Variants in SIPA1L1 observed in about 807,000 individuals in gnomAD.
SIPA1L1 encodes the protein signal-induced proliferation-associated 1-like protein 1.
In SIPA1L1, 26 loss-of-function variants were observed where a neutral mutation model predicts 162.7. That is an observed-to-expected ratio of 0.16 (90% CI 0.12 to 0.22). The LOEUF (loss-of-function observed/expected upper bound fraction) is 0.22, where lower values mean the gene tolerates loss of function less well. SIPA1L1 is among the 10% of genes least tolerant of loss of function. SIPA1L1 has a pLI of 1.00. For missense variants in SIPA1L1, 1,874 were observed against 2,241.0 expected, an observed-to-expected ratio of 0.84 and a Z score of 3.31; for synonymous variants, 829 against 837.4, an observed-to-expected ratio of 0.99 and a Z score of 0.17.
chr14:71,383,215 T>C (rs547540327), intron 2 of SIPA1L1, among the ~76,000 whole-genome samples: 61 of 152,264 alleles, frequency 4.0e-4, no homozygotes, highest in African/African-American at 1.4e-3. Context: ...ATGAGATAGG[T>C]ATTATTGTCA....
chr14:71,664,061 C>G (rs1045103149), intron 10 of SIPA1L1, among the ~76,000 whole-genome samples: 1 of 152,166 alleles, frequency 6.6e-6, no homozygotes, highest in African/African-American at 2.4e-5. Context: ...TGTTTGAAGA[C>G]ACAGAATAAA....
At chr14:71,513,980 GTA>G (rs1433347483) in intron 3 of SIPA1L1, among the ~76,000 whole-genome samples, 1 of 152,136 alleles carries the variant, frequency 6.6e-6, no homozygotes, top group East Asian at 1.9e-4. Flanking sequence ...CGGCGAATCC[GTA>G]CGGGTCTGCA....
At chr14:71,605,125 G>A (rs1393971974) in intron 5 of SIPA1L1, among the ~76,000 whole-genome samples, 6 of 151,788 alleles carry the variant, frequency 4.0e-5, no homozygotes, top group Admixed American at 6.6e-5. Flanking sequence ...AAGATCTGTC[G>A]TCAAGTACTG....
chr14:71,377,629 TG>T lies in SIPA1L1; in HGVS notation c.-465+56451del, dbSNP rs2039525530. Reference sequence around the variant, plus strand: ...ACTTTGGGAGGCCAAGGCAGGCGGCTGGGAGGTGGAGGTTGTAGCGAGCTGA... The same window carrying T: ...ACTTTGGGAGGCCAAGGCAGGCGGCTGGAGGTGGAGGTTGTAGCGAGCTGA... On this transcript the variant is annotated intron_variant, in intron 2 of 23. Coordinates refer to ENST00000381232, the MANE Select transcript of SIPA1L1 (RefSeq NM_001386936.1). This position sits in a 1 kb window ranked among gnomAD's most constrained non-coding sequence, Gnocchi z 4.8. Among the ~76,000 whole-genome samples the T allele has an allele frequency of 6.6e-6, 1 of 152,118 alleles. No homozygotes were observed.
intron 2 of SIPA1L1, among the ~76,000 whole-genome samples, chr14:71,346,862 C>T (rs534224030): frequency 6.6e-6 from 1 of 152,272 alleles, no homozygotes; most frequent in South Asian, 2.1e-4. Context: ...GCCTATCTTT[C>T]TATCTCCCTA....
Position 71,685,580 on chromosome 14 carries a change from C to A in SIPA1L1, c.3323C>A (p.Ala1108Asp), listed in dbSNP as rs750157424. 49 of 1,614,048 alleles carry A rather than the reference C, an allele frequency of 3.0e-5. 1 individual carries two copies. Among genetic ancestry groups the A allele is most frequent in the Non-Finnish European group, 8.5e-7 (1 of 1,180,048 alleles). Residue 1108 changes from alanine to aspartate, a missense_variant, in exon 13 of 24, where the codon GCC becomes GAC. Ala to Asp is a moderately radical substitution (Grantham distance 126). Transcript: ENST00000381232. ...GGGAAGATGCCTCCTCCAGAAAGAG[C>A]CGCCAACATCCCTCGAAGCATCTCC... is the stretch of plus-strand genomic sequence containing the variant. ...GDGKMPPPERAANIPRSISSD... is the reference protein window; with the variant it reads ...GDGKMPPPERDANIPRSISSD...
At chr14:71,733,553 T>C (rs2084996311) in intron 20 of SIPA1L1, 113 bp from the exon 21 acceptor site, 1 of 1,097,168 alleles carries the variant, frequency 9.1e-7, no homozygotes, top group Non-Finnish European at 1.3e-6. Flanking sequence ...AACCTGGACA[T>C]TGATAACAGT....
intron 4 of SIPA1L1, among the ~76,000 whole-genome samples, chr14:71,532,553 C>G (rs2053543799): frequency 6.6e-6 from 1 of 152,160 alleles, no homozygotes; most frequent in South Asian, 2.1e-4. Flanking sequence ...TCTCCGCACC[C>G]TTGTTGACTT....
At chr14:71,578,629 A>C (rs148476601) in intron 4 of SIPA1L1, among the ~76,000 whole-genome samples, 4 of 152,354 alleles carry the variant, frequency 2.6e-5, no homozygotes, top group Non-Finnish European at 5.9e-5. Context: ...AAGTAAACTA[A>C]TGAAGAGAAA....
intron 3 of SIPA1L1, among the ~76,000 whole-genome samples, 169 bp downstream of exon 3, chr14:71,513,014 C>A (rs1337179301): frequency 6.6e-6 from 1 of 152,136 alleles, no homozygotes; most frequent in African/African-American, 2.4e-5. Context: ...CCAGATCGAA[C>A]CAATGTATAC....
chr14:71,704,902 T>C, intron 15 of SIPA1L1: 2 of 716,994 alleles, frequency 2.8e-6, no homozygotes, highest in Non-Finnish European at 2.4e-6. Context: ...ATAAATTTAA[T>C]TCATATAATC....
In SIPA1L1 at chr14:71,618,642, G is replaced by A. The variant is rs983681331; in HGVS notation, c.1499-115G>A. On this transcript the variant is annotated intron_variant, in intron 5 of 23. Coordinates refer to ENST00000381232, the MANE Select transcript of SIPA1L1 (RefSeq NM_001386936.1). Reference sequence around the variant, plus strand: ...TGAAGAATATTAATATTTGTTAAATGTTTACATTTTATTGATAAAATTTCT... The same window carrying A: ...TGAAGAATATTAATATTTGTTAAATATTTACATTTTATTGATAAAATTTCT... 6 of 924,282 alleles carry A rather than the reference G, an allele frequency of 6.5e-6. No individual in the cohort carries two copies. In the Admixed American group the frequency reaches 1.3e-4, roughly 20 times the overall value. 57.3% of individuals were successfully genotyped at this position (924,282 alleles called of 1,614,324 possible). A position where few individuals can be genotyped will look rare whatever the true frequency, so the allele number is the denominator to read the frequency against.
intron 3 of SIPA1L1, among the ~76,000 whole-genome samples, chr14:71,525,855 A>G (rs907530238): frequency 6.6e-6 from 1 of 152,220 alleles, no homozygotes. Flanking sequence ...TTGCTTACTT[A>G]GCAGATTATG....
intron 2 of SIPA1L1, among the ~76,000 whole-genome samples, chr14:71,350,417 CA>C (rs886598080): frequency 2.0e-5 from 3 of 151,518 alleles, no homozygotes; most frequent in African/African-American, 7.3e-5. Context: ...CAAGACAAAA[CA>C]AAAAAAAGTG....
At chr14:71,716,263 T>C (rs1357048309) in intron 17 of SIPA1L1, among the ~76,000 whole-genome samples, 1 of 152,194 alleles carries the variant, frequency 6.6e-6, no homozygotes, top group Non-Finnish European at 1.5e-5. Context: ...CCTTAATCAT[T>C]ATCCTCCACA....
chr14:71,705,817 A>G (rs1464788968), intron 16 of SIPA1L1, among the ~76,000 whole-genome samples: 1 of 151,988 alleles, frequency 6.6e-6, no homozygotes, highest in Non-Finnish European at 1.5e-5. Context: ...TTTCATAGCC[A>G]TACACATTTC....
intron 2 of SIPA1L1, among the ~76,000 whole-genome samples, chr14:71,409,960 A>G (rs571966781): frequency 2.0e-5 from 3 of 152,286 alleles, no homozygotes; most frequent in East Asian, 1.9e-4. Flanking sequence ...CTACCCGACC[A>G]TGGTGGCCTT....
At chr14:71,342,561 TC>T (rs1475790886) in intron 2 of SIPA1L1, among the ~76,000 whole-genome samples, 1 of 152,218 alleles carries the variant, frequency 6.6e-6, no homozygotes, top group East Asian at 1.9e-4. Context: ...TTCCAAGTAT[TC>T]ATCTAGGAAG....
intron 2 of SIPA1L1, among the ~76,000 whole-genome samples, chr14:71,456,057 C>T (rs967844850): frequency 5.9e-5 from 9 of 152,196 alleles, no homozygotes; most frequent in Admixed American, 3.9e-4. Flanking sequence ...TTTTATTTCA[C>T]ATGCAATATC....
Sources: allele counts gnomAD v4.1 joint callset (sites outside exome capture counted in the v4.1 genomes callset), GRCh38; gene constraint gnomAD v4.1.1; non-coding constraint Gnocchi (gnomAD v3.1); transcripts MANE v1.5; gene names NCBI Gene and HGNC (gene_info 2026-07-23, HGNC 2026-07-21).